CPNE8: variants seen among roughly 807,000 people sequenced by gnomAD.
CPNE8 encodes the protein copine 8.
In CPNE8, 45 loss-of-function variants were observed where a neutral mutation model predicts 81.5. The observed-to-expected ratio is 0.55, with a 90% CI of 0.44 to 0.71. The LOEUF is 0.71. Ranked by LOEUF, CPNE8 falls within the 30% of genes least tolerant of loss-of-function variation. CPNE8 has a pLI of 0.00. For synonymous variants in CPNE8, 252 were observed against 226.3 expected, an observed-to-expected ratio of 1.11 and a Z score of -1.02; for missense variants, 594 against 672.1, an observed-to-expected ratio of 0.88 and a Z score of 1.28.
intron 10 of CPNE8, among the ~76,000 whole-genome samples, chr12:38,742,939 G>C (rs1173069641): frequency 2.0e-5 from 3 of 151,748 alleles, no homozygotes; most frequent in Non-Finnish European, 4.4e-5. Context: ...TTTCATGTGT[G>C]CATCAATATA....
At chr12:38,734,572 C>A (rs1176588913) in intron 10 of CPNE8, among the ~76,000 whole-genome samples, 1 of 152,014 alleles carries the variant, frequency 6.6e-6, no homozygotes, top group East Asian at 1.9e-4. Context: ...ATGGCAAATA[C>A]ATACCTAACC....
intron 10 of CPNE8, among the ~76,000 whole-genome samples, chr12:38,753,400 T>C (rs1941392510): frequency 6.6e-6 from 1 of 152,100 alleles, no homozygotes; most frequent in South Asian, 2.1e-4. Context: ...TGCAGTGAGC[T>C]GAGATCACAC....
chr12:38,797,540 C>A lies in CPNE8; in HGVS notation c.408-21239G>T, dbSNP rs564045741. On this transcript the variant is annotated intron_variant, in intron 6 of 19. Coordinates refer to ENST00000331366, the MANE Select transcript of CPNE8 (RefSeq NM_153634.3). Reference sequence around the variant, plus strand: ...ACAGAGAGGACATCCACACCAAAACCCCATCTGTACATCACCATCATCAAA... The same window carrying A: ...ACAGAGAGGACATCCACACCAAAACACCATCTGTACATCACCATCATCAAA... Among the ~76,000 whole-genome samples the A allele has an allele frequency of 1.9e-4, 29 of 152,160 alleles. No individual in the cohort carries two copies. In the East Asian group the frequency reaches 5.4e-3, roughly 28 times the overall value.
chr12:38,840,225 T>TTTCTCTTTTCTGTGCATAAGTTTAAACC (rs1943446013), intron 4 of CPNE8, among the ~76,000 whole-genome samples: 1 of 152,162 alleles, frequency 6.6e-6, no homozygotes, highest in South Asian at 2.1e-4. Context: ...AAGTTTAAAC[T>TTTCTCTTTTCTGTGCATAAGTTTAAACC]TTCTCTTTTC....
chr12:38,837,009 C>T (rs565981358), intron 5 of CPNE8, among the ~76,000 whole-genome samples: 2 of 152,022 alleles, frequency 1.3e-5, no homozygotes, highest in African/African-American at 2.4e-5. Context: ...TCTGTATAGT[C>T]GACTAAATAT....
intron 17 of CPNE8, 116 bp downstream of exon 17, chr12:38,677,336 C>G (rs1939311635): frequency 1.6e-6 from 1 of 638,554 alleles, no homozygotes; most frequent in Non-Finnish European, 2.8e-6. Flanking sequence ...AGGATGCAAT[C>G]TGCTGCAAAG....
intron 3 of CPNE8, among the ~76,000 whole-genome samples, chr12:38,851,728 C>A (rs887890856): frequency 6.6e-6 from 1 of 152,146 alleles, no homozygotes; most frequent in Non-Finnish European, 1.5e-5. Flanking sequence ...TGTAAACATG[C>A]CCATGTCATT....
chr12:38,728,917 A>T (rs903519882), intron 11 of CPNE8, among the ~76,000 whole-genome samples: 1 of 152,124 alleles, frequency 6.6e-6, no homozygotes, highest in Non-Finnish European at 1.5e-5. Context: ...TTATATTTGA[A>T]GTCATGGCCT....
intron 6 of CPNE8, among the ~76,000 whole-genome samples, chr12:38,812,239 C>A (rs1942950221): frequency 6.6e-6 from 1 of 152,184 alleles, no homozygotes; most frequent in Non-Finnish European, 1.5e-5. Flanking sequence ...TGTGTCCCAT[C>A]CAAACTTACG....
chr12:38,675,050 C>T (rs1326177937), intron 18 of CPNE8, among the ~76,000 whole-genome samples: 1 of 152,172 alleles, frequency 6.6e-6, no homozygotes, highest in Non-Finnish European at 1.5e-5. Context: ...TTACCCAGAT[C>T]ACTCGTTACA....
Position 38,654,011 on chromosome 12 carries a change from T to C in CPNE8, c.1566A>G (p.Arg522=). 1 of 1,613,690 alleles carries C rather than the reference T, an allele frequency of 6.2e-7. No homozygotes were observed. The change falls in exon 20 of 20, where the codon AGA becomes AGG. Residue 522 remains arginine (R), a synonymous_variant. Coordinates refer to ENST00000331366, the MANE Select transcript of CPNE8 (RefSeq NM_153634.3). ...RSGNHILSMA[R]LAKDVLAEIP... is the part of the protein sequence containing the mutation. ...TCTCAGCTAGGACATCTTTAGCCAATCTAGCCATGCTCAGTATGTGGTTTC... is the reference window on the plus strand; with the variant it reads ...TCTCAGCTAGGACATCTTTAGCCAACCTAGCCATGCTCAGTATGTGGTTTC...
chr12:38,717,508 T>C (rs1940435572), intron 13 of CPNE8, among the ~76,000 whole-genome samples: 1 of 139,760 alleles, frequency 7.2e-6, no homozygotes, highest in Admixed American at 7.6e-5. Flanking sequence ...TAATGTCTTT[T>C]GCAGCAAATT....
chr12:38,795,795 G>A (rs1328187359), intron 6 of CPNE8, among the ~76,000 whole-genome samples: 1 of 151,898 alleles, frequency 6.6e-6, no homozygotes, highest in Non-Finnish European at 1.5e-5. Flanking sequence ...TCTGTCTCAT[G>A]GCAATGTGAA....
chr12:38,828,640 A>C (rs1424619059), intron 6 of CPNE8, among the ~76,000 whole-genome samples: 1 of 152,176 alleles, frequency 6.6e-6, no homozygotes, highest in East Asian at 1.9e-4. Context: ...ATGAAGATAA[A>C]GACTTCAAAA....
intron 1 of CPNE8, among the ~76,000 whole-genome samples, chr12:38,895,740 T>G (rs1247784534): frequency 6.6e-6 from 1 of 152,114 alleles, no homozygotes; most frequent in Non-Finnish European, 1.5e-5. Context: ...TTGCATCTCC[T>G]AAGCTTTATA....
intron 1 of CPNE8, among the ~76,000 whole-genome samples, chr12:38,902,320 G>GA (rs56367407): frequency 1.7e-5 from 1 of 58,802 alleles, no homozygotes; most frequent in Non-Finnish European, 3.0e-5. Flanking sequence ...AGGAAGGAAA[G>GA]AAAGAAAGAA....
intron 6 of CPNE8, among the ~76,000 whole-genome samples, chr12:38,828,649 A>G (rs1488729511): frequency 1.3e-5 from 2 of 152,220 alleles, no homozygotes; most frequent in African/African-American, 4.8e-5. Flanking sequence ...AAGACTTCAA[A>G]ATTCCCTAAA....
At chr12:38,831,998 T>C (rs1943295719) in intron 5 of CPNE8, among the ~76,000 whole-genome samples, 1 of 152,210 alleles carries the variant, frequency 6.6e-6, no homozygotes, top group Non-Finnish European at 1.5e-5. Context: ...CATATTAATA[T>C]GGAGACACAC....
chr12:38,800,248 A>T (rs1301435470), intron 6 of CPNE8, among the ~76,000 whole-genome samples: 3 of 47,462 alleles, frequency 6.3e-5, no homozygotes, highest in African/African-American at 1.5e-4. Flanking sequence ...TGCAGACTTA[A>T]GTGTCCCTGT....
Sources: allele counts gnomAD v4.1 joint callset (sites outside exome capture counted in the v4.1 genomes callset), GRCh38; gene constraint gnomAD v4.1.1; transcripts MANE v1.5; gene names NCBI Gene and HGNC (gene_info 2026-07-23, HGNC 2026-07-21).